The following SLC9A1 variants were observed in gnomAD, a reference collection of about 807,000 sequenced individuals.
SLC9A1 encodes the protein sodium/hydrogen exchanger 1.
A neutral mutation model predicts 67.9 loss-of-function variants in SLC9A1; 22 were observed. The observed-to-expected ratio is 0.32, with a 90% CI of 0.23 to 0.46. The LOEUF (loss-of-function observed/expected upper bound fraction) is 0.46. Ranked by LOEUF, SLC9A1 falls within the 20% of genes least tolerant of loss-of-function variation. The pLI is 1.00. For synonymous variants in SLC9A1, 421 were observed against 471.8 expected, an observed-to-expected ratio of 0.89 and a Z score of 1.40; for missense variants, 686 against 1,094.8, an observed-to-expected ratio of 0.63 and a Z score of 5.27.
chr1:27,112,226 G>C (rs1183587722), intron 2 of SLC9A1, among the ~76,000 whole-genome samples: 1 of 152,206 alleles, frequency 6.6e-6, no homozygotes, highest in Non-Finnish European at 1.5e-5. Context: ...GCTCAGGTCA[G>C]GCTATTCTAC....
chr1:27,111,234 A>G (rs1390256806), intron 2 of SLC9A1, among the ~76,000 whole-genome samples: 3 of 152,082 alleles, frequency 2.0e-5, no homozygotes, highest in East Asian at 3.9e-4. Flanking sequence ...GAGGGGATTC[A>G]TGGGTCCTCA....
chr1:27,101,887 G>C lies in SLC9A1; in HGVS notation c.1936-61C>G. The C allele has an allele frequency of 6.8e-7, 1 of 1,462,990 alleles. No individual in the cohort carries two copies. 90.6% of individuals were successfully genotyped at this position (1,462,990 alleles called of 1,614,324 possible). On this transcript the variant is annotated intron_variant, in intron 9 of 11. Coordinates refer to ENST00000263980, the MANE Select transcript of SLC9A1 (RefSeq NM_003047.5). The surrounding 1 kb of genome is among the most constrained non-coding windows in gnomAD (Gnocchi z 4.9). The stretch of plus-strand genomic sequence containing the variant: ...CGGAAGGCTCTGCTCATGGAGGGGT[G>C]GGGGCAGTGCTGGAGGCCGGGCCAG...
At chr1:27,149,617 T>A (rs1281671587) in intron 1 of SLC9A1, among the ~76,000 whole-genome samples, 2 of 152,120 alleles carry the variant, frequency 1.3e-5, no homozygotes, top group African/African-American at 4.8e-5. Flanking sequence ...AGGGGAAGAA[T>A]CTGCACGGCC....
At chr1:27,141,705 T>G (rs1463931603) in intron 1 of SLC9A1, among the ~76,000 whole-genome samples, 1 of 152,226 alleles carries the variant, frequency 6.6e-6, no homozygotes, top group Non-Finnish European at 1.5e-5. Flanking sequence ...CAGGCAGTGC[T>G]CAGTCAGGGA....
intron 1 of SLC9A1, among the ~76,000 whole-genome samples, chr1:27,124,908 G>C (rs1444315303): frequency 1.3e-5 from 2 of 152,058 alleles, no homozygotes; most frequent in African/African-American, 4.8e-5. Flanking sequence ...TCCTTAGGCT[G>C]GTGTGTTACG....
chr1:27,141,437 C>T lies in SLC9A1; in HGVS notation c.352+12546G>A, dbSNP rs1207642297. Among the ~76,000 whole-genome samples, 3 of 152,194 alleles carry T rather than the reference C, an allele frequency of 2.0e-5. No individual in the cohort carries two copies. The East Asian group carries it at 5.8e-4, about 29-fold the overall frequency. On this transcript the variant is annotated intron_variant, in intron 1 of 11. Transcript: ENST00000263980. ...CTTCTGGCTGTGCCCAGTGAGATTT[C>T]ATTCAAGTATCTCATCTAAATCCTA...
At position 27,109,305 on chromosome 1, in the gene SLC9A1, C is replaced by T. The variant is rs899102878; in HGVS notation, c.1064+222G>A. On this transcript the variant is annotated intron_variant, in intron 3 of 11. Transcript: ENST00000263980. The surrounding 1 kb of genome is among the most constrained non-coding windows in gnomAD (Gnocchi z 5.5). ...GAAATGCCCTCTCCCGATTCCTGGA[C>T]CCCAGGGGGCGCTGCAGAAGTGCTC... 6.6e-6 allele frequency among the ~76,000 whole-genome samples: 1 copy of T among 152,168 alleles called. No individual in the cohort carries two copies. Among genetic ancestry groups the T allele is most frequent in the African/African-American group, 2.4e-5 (1 of 41,446 alleles).
intron 1 of SLC9A1, among the ~76,000 whole-genome samples, chr1:27,133,387 C>T (rs1272633301): frequency 6.6e-6 from 1 of 152,154 alleles, no homozygotes; most frequent in African/African-American, 2.4e-5. Flanking sequence ...TGATTCTTGA[C>T]GTCAACCTAG....
intron 1 of SLC9A1, among the ~76,000 whole-genome samples, chr1:27,128,817 C>T (rs1050663593): frequency 1.2e-4 from 18 of 150,318 alleles, no homozygotes; most frequent in African/African-American, 4.4e-4. Context: ...ATTAGCCGGG[C>T]GTAGTGGTGC....
At chr1:27,149,415 T>A (rs1425724356) in intron 1 of SLC9A1, among the ~76,000 whole-genome samples, 1 of 152,260 alleles carries the variant, frequency 6.6e-6, no homozygotes, top group Non-Finnish European at 1.5e-5. Context: ...ATAAGATTGC[T>A]TTTATAAAGT....
Position 27,106,032 on chromosome 1 carries a change from G to C in SLC9A1, c.1338C>G (p.Pro446=). The C allele has an allele frequency of 6.2e-7, 1 of 1,613,622 alleles. No homozygotes were observed. Among genetic ancestry groups the C allele is most frequent in the Non-Finnish European group, 8.5e-7 (1 of 1,179,984 alleles). Residue 446 remains proline (P), a synonymous_variant, in exon 5 of 12, where the codon CCC becomes CCG. Transcript: ENST00000263980. The surrounding 1 kb of genome is among the most constrained non-coding windows in gnomAD (Gnocchi z 4.3). ...CATAGGCGATGATGAACTGGTCCTT[G>C]GGGGTCAGCTTCACGATACGGAACT... ...INKFRIVKLT[P]KDQFIIAYGG...
chr1:27,153,757 G>A (rs2083547103), intron 1 of SLC9A1, among the ~76,000 whole-genome samples: 1 of 152,202 alleles, frequency 6.6e-6, no homozygotes, highest in African/African-American at 2.4e-5. Flanking sequence ...CTCTAATCCT[G>A]CTCTCTTCTG....
At chr1:27,117,313 A>T (rs1176789998) in intron 1 of SLC9A1, among the ~76,000 whole-genome samples, 6 of 151,892 alleles carry the variant, frequency 4.0e-5, no homozygotes, top group Non-Finnish European at 7.4e-5. Flanking sequence ...CTGCATGCTG[A>T]CCCCCCTCCA....
At chr1:27,127,127 T>C (rs557188602) in intron 1 of SLC9A1, among the ~76,000 whole-genome samples, 2 of 152,092 alleles carry the variant, frequency 1.3e-5, no homozygotes, top group African/African-American at 4.8e-5. Context: ...CAGCCCCCCA[T>C]GTAACTGGGA....
intron 3 of SLC9A1, among the ~76,000 whole-genome samples, chr1:27,108,434 T>C (rs1002445189): frequency 1.3e-5 from 2 of 151,104 alleles, no homozygotes; most frequent in African/African-American, 2.4e-5. Flanking sequence ...TCCCAGCACT[T>C]TGGGAGGCCG....
intron 1 of SLC9A1, among the ~76,000 whole-genome samples, chr1:27,121,500 G>C (rs1253873143): frequency 2.0e-5 from 3 of 152,192 alleles, no homozygotes; most frequent in African/African-American, 7.2e-5. Context: ...AAACGACTGA[G>C]AAAAGAGAGG....
intron 1 of SLC9A1, among the ~76,000 whole-genome samples, chr1:27,139,209 A>G (rs888112411): frequency 6.6e-6 from 1 of 152,142 alleles, no homozygotes; most frequent in African/African-American, 2.4e-5. Context: ...AAAGAGCCTT[A>G]ACCGGTGTCA....
In SLC9A1 at chr1:27,132,472, C is replaced by T. The variant is rs139633531; in HGVS notation, c.353-18186G>A. Among the ~76,000 whole-genome samples, 1,173 of 152,240 alleles carry T rather than the reference C, an allele frequency of 7.7e-3. 14 individuals are homozygous for T. The highest frequency in any genetic ancestry group is 0.026 in the African/African-American group (1,087 of 41,526). ...GATTCAAGGTCACCCGGTTCCACTG[C>T]TTTCTTGTGTGTGTGATCCTGGGTA... On this transcript the variant is annotated intron_variant, in intron 1 of 11. Transcript: ENST00000263980.
intron 8 of SLC9A1, 116 bp from the exon 9 acceptor site, chr1:27,102,246 G>T (rs2083151706): frequency 7.5e-7 from 1 of 1,339,226 alleles, no homozygotes; most frequent in South Asian, 1.2e-5. Context: ...AAAGCCTCAG[G>T]TCCTTGGTGC....
Sources: allele counts gnomAD v4.1 joint callset (sites outside exome capture counted in the v4.1 genomes callset), GRCh38; gene constraint gnomAD v4.1.1; non-coding constraint Gnocchi (gnomAD v3.1); transcripts MANE v1.5; gene names NCBI Gene and HGNC (gene_info 2026-07-23, HGNC 2026-07-21).